AEN: variants seen among roughly 807,000 people sequenced by gnomAD.
AEN encodes apoptosis-enhancing nuclease.
Under a neutral mutation model 17.7 loss-of-function variants are expected in AEN, and 21 were observed. The ratio of observed to expected loss-of-function variants is 1.19; its 90% CI spans 0.84 to 1.71. The LOEUF is 1.71. AEN is among the 40% of genes most tolerant of loss of function. AEN has a pLI of 0.00. For missense variants in AEN, 462 were observed against 435.9 expected (o/e 1.06, Z -0.53); for synonymous variants, 190 against 173.0 (o/e 1.10, Z -0.77).
upstream of AEN, among the ~76,000 whole-genome samples, chr15:88,617,315 G>A (rs1315470557): frequency 6.6e-6 from 1 of 152,158 alleles, no homozygotes; most frequent in Admixed American, 6.6e-5. Context: ...GGGCAGTGGT[G>A]CAATCTTGGC....
At chr15:88,621,235 GC>G (rs1567101032), upstream of AEN, 1 of 152,282 alleles carries the variant, frequency 6.6e-6, no homozygotes, top group Non-Finnish European at 1.5e-5. Flanking sequence ...TGCCAGGCAG[GC>G]TCGACCAATC....
Position 88,626,138 on chromosome 15 carries a change from C to T in AEN, c.-64-8C>T, listed in dbSNP as rs1350410503. 2 of 1,481,322 alleles carry T rather than the reference C, an allele frequency of 1.4e-6. No individual in the cohort carries two copies. Among genetic ancestry groups the T allele is most frequent in the South Asian group, 1.4e-5 (1 of 72,418 alleles). 91.8% of individuals were successfully genotyped at this position (1,481,322 alleles called of 1,614,324 possible). A position where few individuals can be genotyped will look rare whatever the true frequency, so the allele number is the denominator to read the frequency against. ...CCCAGCCCCTCTGCCTGTGTGTTCT[C>T]TCTTCAGGCTGCTGCCCCATTGGAA... On this transcript the variant is annotated splice_polypyrimidine_tract_variant and splice_region_variant and intron_variant, in intron 1 of 3. Transcript: ENST00000332810.
At chr15:88,627,159 G>A (rs572399209) in intron 2 of AEN, 47 of 194,696 alleles carry the variant, frequency 2.4e-4, no homozygotes, top group Middle Eastern at 2.3e-3. Context: ...TAGTGGTTGG[G>A]ACCACACTGA....
Position 88,626,376 on chromosome 15 carries a change from C to G in AEN, c.167C>G (p.Pro56Arg). 1.9e-6 allele frequency: 3 copies of G among 1,612,940 alleles called. No individual in the cohort carries two copies. The highest frequency in any genetic ancestry group is 2.5e-6 in the Non-Finnish European group (3 of 1,179,634). ...CAGGAGCAGGGGCTGCTGAGCATGCCTCCAGAACCAGGGTCCTCCCCACTG... is the reference window on the plus strand; with the variant it reads ...CAGGAGCAGGGGCTGCTGAGCATGCGTCCAGAACCAGGGTCCTCCCCACTG... ...LLQEQGLLSMPPEPGSSPLPT... is the reference protein window; with the variant it reads ...LLQEQGLLSMRPEPGSSPLPT... Residue 56 changes from proline to arginine, a missense_variant, in exon 2 of 4, where the codon CCT becomes CGT. Coordinates refer to ENST00000332810, the MANE Select transcript of AEN (RefSeq NM_022767.4).
rs1159645511 is a variant in AEN, at chr15:88,629,331, T to C, written c.646T>C (p.Tyr216His). Residue 216 changes from tyrosine (Y) to histidine (H), a missense_variant, in exon 3 of 4, where the codon TAT becomes CAT. Transcript: ENST00000332810. ...HPRSQTRDTTYVPNFLSEPGL... is the reference protein window; with the variant it reads ...HPRSQTRDTTHVPNFLSEPGL... ...TCGGAGCCAGACCCGGGATACGACC[T>C]ATGTCCCAAACTTCCTCAGCGAGCC... 3 of 1,614,000 alleles carry C rather than the reference T, an allele frequency of 1.9e-6. No individual in the cohort carries two copies. Among genetic ancestry groups the C allele is most frequent in the Non-Finnish European group, 2.5e-6 (3 of 1,180,002 alleles).
In AEN at chr15:88,626,154, C is replaced by A; in HGVS notation, c.-56C>A. On this transcript the variant is annotated 5_prime_UTR_variant, in exon 2 of 4. Coordinates refer to ENST00000332810, the MANE Select transcript of AEN (RefSeq NM_022767.4). ...GTGTGTTCTCTCTTCAGGCTGCTGC[C>A]CCATTGGAAGATTACTCCCCAGGCT... is the stretch of plus-strand genomic sequence containing the variant. The A allele has an allele frequency of 6.6e-7, 1 of 1,511,698 alleles. No individual in the cohort carries two copies. The allele number at this position is 1,511,698 out of a possible 1,614,324, so 93.6% of individuals were successfully genotyped here.
chr15:88,623,616 A>C (rs190600760), intron 1 of AEN, among the ~76,000 whole-genome samples: 294 of 152,266 alleles, frequency 1.9e-3, no homozygotes, highest in Non-Finnish European at 3.8e-3. Context: ...TAATTCTCAA[A>C]TTGTGCTATA....
At chr15:88,620,126 G>C (rs1157787803), upstream of AEN, among the ~76,000 whole-genome samples, 1 of 152,066 alleles carries the variant, frequency 6.6e-6, no homozygotes, top group Non-Finnish European at 1.5e-5. Flanking sequence ...ATCAGAAAGA[G>C]CTCCTAGCTT....
In AEN at chr15:88,626,426, GC is replaced by G; in HGVS notation, c.218del (p.Ala73GlufsTer12). The G allele has an allele frequency of 6.2e-7, 1 of 1,613,324 alleles. No homozygotes were observed. The highest frequency in any genetic ancestry group is 8.5e-7 in the Non-Finnish European group (1 of 1,179,780). On this transcript the variant is annotated frameshift_variant, in exon 2 of 4. Transcript: ENST00000332810. LOFTEE classifies it high-confidence loss of function. ...GCCCACCCCTTTCGGGGCAGCGACA[GC>G]AACTGAAGCTGCCAGCAGTGGGAAG... is the stretch of plus-strand genomic sequence containing the variant. The part of the protein sequence containing the change: ...PLPTPFGAAT[A>X]TEAASSGKQC...
chr15:88,612,570 CTTTTATTT>C, the AEN span, among the ~76,000 whole-genome samples: 2 of 129,780 alleles, frequency 1.5e-5, no homozygotes, highest in South Asian at 2.8e-4. Flanking sequence ...ATTTCCCAGC[CTTTTATTT>C]ATTTATTTAT....
chr15:88,629,037 A>C (rs979320020), intron 2 of AEN, 189 bp from the exon 3 acceptor site: 1 of 611,126 alleles, frequency 1.6e-6, no homozygotes, highest in Non-Finnish European at 2.9e-6. Context: ...CCCTGGGTAT[A>C]GACAGTAGAA....
chr15:88,605,155 A>G, the AEN span: 1,237 of 152,502 alleles, frequency 8.1e-3, 5 homozygotes, highest in Non-Finnish European at 0.013. The surrounding 1 kb of genome is among the most constrained non-coding windows in gnomAD (Gnocchi z 7.6). Flanking sequence ...GGAGCCCAGC[A>G]GGTGAGCGCT....
At chr15:88,613,030 C>A in the AEN span, among the ~76,000 whole-genome samples, 1 of 152,206 alleles carries the variant, frequency 6.6e-6, no homozygotes, top group Admixed American at 6.5e-5. Flanking sequence ...CCTCCCTATT[C>A]CTAAGTATAT....
At chr15:88,611,315 A>C in the AEN span, among the ~76,000 whole-genome samples, 2 of 151,684 alleles carry the variant, frequency 1.3e-5, no homozygotes, top group African/African-American at 4.8e-5. Flanking sequence ...ATATGCTCAA[A>C]TTGGGTGCAG....
At position 88,622,497 on chromosome 15, in the gene AEN, G is replaced by A. The variant is rs562512955; in HGVS notation, c.-65+1115G>A. ...GCATCTCAAAATCCGAGCTTGTTGA[G>A]TGCACAGTTTCTGTCCCTTTTAAGG... On this transcript the variant is annotated intron_variant, in intron 1 of 3. Coordinates refer to ENST00000332810, the MANE Select transcript of AEN (RefSeq NM_022767.4). Among the ~76,000 whole-genome samples, 4 of 152,274 alleles carry A rather than the reference G, an allele frequency of 2.6e-5. No individual in the cohort carries two copies. The East Asian group carries it at 7.7e-4, about 29-fold the overall frequency.
intron 1 of AEN, among the ~76,000 whole-genome samples, chr15:88,625,748 A>G (rs75076529): frequency 0.077 from 11,689 of 152,268 alleles, 522 homozygotes; most frequent in African/African-American, 0.11. Flanking sequence ...CACAGCAGAA[A>G]AAAAGTCCAC....
At chr15:88,622,152 G>A (rs931924202) in intron 1 of AEN, among the ~76,000 whole-genome samples, 3 of 152,154 alleles carry the variant, frequency 2.0e-5, no homozygotes, top group African/African-American at 7.2e-5. Flanking sequence ...TTCCTTTGGG[G>A]CCTTTGCTCC....
Position 88,630,265 on chromosome 15 carries a change from G to A in AEN, c.949G>A (p.Ala317Thr), listed in dbSNP as rs752257525. 3.8e-6 allele frequency: 6 copies of A among 1,590,502 alleles called. No homozygotes were observed. In the African/African-American group the frequency reaches 6.7e-5, roughly 18 times the overall value. The change falls in exon 4 of 4, where the codon GCC becomes ACC. Residue 317 changes from alanine to threonine, a missense_variant. By Grantham distance (58) the Ala-to-Thr change is moderately conservative. Transcript: ENST00000332810. The surrounding 1 kb of genome is among the most constrained non-coding windows in gnomAD (Gnocchi z 5.1). ...CCTGGCCCACGGCAGCAGAGGAGGAGCCAGGGAGGCACAGGACAGAAGGAA... is the reference window on the plus strand; with the variant it reads ...CCTGGCCCACGGCAGCAGAGGAGGAACCAGGGAGGCACAGGACAGAAGGAA... ...DDLAHGSRGG[A>T]REAQDRRN
chr15:88,610,236 C>T, the AEN span, among the ~76,000 whole-genome samples: 3 of 152,008 alleles, frequency 2.0e-5, no homozygotes, highest in African/African-American at 7.3e-5. Context: ...ACCCTCAGGT[C>T]CTTGTCTCTA....
Sources: gnomAD v4.1 joint callset for allele counts (sites outside exome capture counted in the v4.1 genomes callset) on GRCh38, gnomAD v4.1.1 for gene constraint, Gnocchi (gnomAD v3.1) non-coding constraint, MANE v1.5 for transcripts, NCBI Gene and HGNC (gene_info 2026-07-23, HGNC 2026-07-21) for gene names.